The following HDAC9 variants were observed in gnomAD, a reference collection of about 807,000 sequenced individuals.
HDAC9 encodes MEF-2 interacting transcription repressor (MITR) protein.
In HDAC9, 41 loss-of-function variants were observed where a neutral mutation model predicts 139.4. The ratio of observed to expected loss-of-function variants is 0.29; its 90% CI spans 0.23 to 0.38. The LOEUF (loss-of-function observed/expected upper bound fraction) is 0.38, where lower values mean the gene tolerates loss of function less well. HDAC9 is among the 10% of genes least tolerant of loss of function. The pLI, the probability that HDAC9 is intolerant of heterozygous loss-of-function variation, is 1.00. For synonymous variants in HDAC9, 517 were observed against 476.2 expected (o/e 1.09, Z -1.12); for missense variants, 1,147 against 1,297.0 (o/e 0.88, Z 1.78).
In HDAC9 at chr7:18,224,813, G is replaced by C. The variant is rs533847746; in HGVS notation, c.25+62464G>C. On this transcript the variant is annotated intron_variant, in intron 2 of 12. Transcript: ENST00000417496. ...TAAAGTAATTACAATAATCAAAGAAGGTCAGAGGGAGGAGAAAGGATAATA... is the reference window on the plus strand; with the variant it reads ...TAAAGTAATTACAATAATCAAAGAACGTCAGAGGGAGGAGAAAGGATAATA... Among the ~76,000 whole-genome samples the C allele has an allele frequency of 2.6e-5, 4 of 152,104 alleles. No homozygotes were observed. The East Asian group carries it at 7.7e-4, about 29-fold the overall frequency.
At chr7:18,569,686 G>A (rs1323959890) in intron 2 of HDAC9, among the ~76,000 whole-genome samples, 1 of 152,114 alleles carries the variant, frequency 6.6e-6, no homozygotes, top group Admixed American at 6.5e-5. Context: ...ATTTTCTTAT[G>A]CCAAATTATA....
At chr7:18,249,216 C>T (rs1794754074) in intron 2 of HDAC9, among the ~76,000 whole-genome samples, 1 of 151,940 alleles carries the variant, frequency 6.6e-6, no homozygotes, top group South Asian at 2.1e-4. Flanking sequence ...TAAAATCTTT[C>T]TTCAGTCTGG....
At chr7:18,591,793 C>T (rs117961611) in intron 5 of HDAC9, among the ~76,000 whole-genome samples, 151 bp downstream of exon 5, 1 of 152,150 alleles carries the variant, frequency 6.6e-6, no homozygotes, top group Non-Finnish European at 1.5e-5. Flanking sequence ...GTTTCCTTCT[C>T]CATAAAAAGA....
At chr7:18,375,047 A>G (rs79648776) in intron 1 of HDAC9, among the ~76,000 whole-genome samples, 10,562 of 152,260 alleles carry the variant, frequency 0.069, 734 homozygotes, top group African/African-American at 0.18. Flanking sequence ...TGTATTTACT[A>G]TACTATTAAT....
At chr7:18,834,139 A>T (rs1262895841) in intron 19 of HDAC9, among the ~76,000 whole-genome samples, 1 of 152,230 alleles carries the variant, frequency 6.6e-6, no homozygotes, top group African/African-American at 2.4e-5. Context: ...AGATATTTAT[A>T]TAGTGCCTGA....
chr7:18,252,216 C>A (rs140839062), intron 2 of HDAC9, among the ~76,000 whole-genome samples: 1 of 152,158 alleles, frequency 6.6e-6, no homozygotes, highest in Non-Finnish European at 1.5e-5. Flanking sequence ...GAACTACAAC[C>A]ATTTGCAGTG....
intron 6 of HDAC9, among the ~76,000 whole-genome samples, chr7:18,628,099 G>A (rs947204235): frequency 2.0e-5 from 3 of 152,120 alleles, no homozygotes; most frequent in Non-Finnish European, 2.9e-5. Context: ...GATAAAATCT[G>A]GCTACATTAT....
At chr7:18,440,756 G>A (rs1791681496) in intron 1 of HDAC9, among the ~76,000 whole-genome samples, 1 of 152,104 alleles carries the variant, frequency 6.6e-6, no homozygotes, top group African/African-American at 2.4e-5. Context: ...ATGATTCTAA[G>A]ATGCCATAAT....
intron 1 of HDAC9, among the ~76,000 whole-genome samples, chr7:18,294,512 T>G (rs1798013158): frequency 6.6e-6 from 1 of 152,108 alleles, no homozygotes; most frequent in African/African-American, 2.4e-5. Context: ...CACAGGGAAC[T>G]GGATATGACA....
intron 2 of HDAC9, among the ~76,000 whole-genome samples, chr7:18,170,730 A>G (rs1000435484): frequency 3.3e-5 from 5 of 152,248 alleles, no homozygotes; most frequent in Admixed American, 3.3e-4. Flanking sequence ...TGTTTTTGTC[A>G]GATTTGTCAA....
intron 2 of HDAC9, among the ~76,000 whole-genome samples, chr7:18,198,173 C>T (rs111787922): frequency 8.0e-4 from 122 of 152,140 alleles, no homozygotes; most frequent in African/African-American, 2.7e-3. Flanking sequence ...AATCAAAACA[C>T]ATATAATCTT....
intron 25 of HDAC9, among the ~76,000 whole-genome samples, chr7:18,981,868 T>C (rs760053137): frequency 7.9e-5 from 12 of 152,210 alleles, no homozygotes; most frequent in Middle Eastern, 3.4e-3. Context: ...TTATTCTTCC[T>C]ACCACAGAAA....
intron 2 of HDAC9, among the ~76,000 whole-genome samples, chr7:18,186,508 C>G (rs994445533): frequency 1.8e-4 from 28 of 152,226 alleles, no homozygotes; most frequent in African/African-American, 6.8e-4. Context: ...GACTCTGCCC[C>G]ACTCTTCACT....
intron 1 of HDAC9, among the ~76,000 whole-genome samples, chr7:18,388,705 C>T (rs547356799): frequency 1.8e-4 from 28 of 152,260 alleles, no homozygotes; most frequent in Admixed American, 8.5e-4. Context: ...ACCTTGAGTC[C>T]ATCTGAAACA....
chr7:18,755,262 A>G (rs1055755317), intron 14 of HDAC9, among the ~76,000 whole-genome samples: 1 of 152,178 alleles, frequency 6.6e-6, no homozygotes, highest in Admixed American at 6.6e-5. Context: ...CTAATTGTAC[A>G]CCTTATAGTC....
intron 21 of HDAC9, among the ~76,000 whole-genome samples, chr7:18,859,946 A>G (rs574406034): frequency 2.7e-5 from 4 of 149,398 alleles, no homozygotes; most frequent in South Asian, 4.2e-4. Flanking sequence ...GCTTTATGCA[A>G]TAATATTTTA....
At chr7:18,232,722 G>T (rs1455102064) in intron 2 of HDAC9, among the ~76,000 whole-genome samples, 1 of 152,160 alleles carries the variant, frequency 6.6e-6, no homozygotes, top group Non-Finnish European at 1.5e-5. Flanking sequence ...ATAATGGTTT[G>T]CATGCCACCA....
At chr7:18,767,063 A>G (rs775198073) in intron 15 of HDAC9, 43 bp from the exon 16 acceptor site, 9 of 921,932 alleles carry the variant, frequency 9.8e-6, no homozygotes, top group Admixed American at 3.1e-5. Context: ...AAAATTATAT[A>G]ACCTCCATTT....
At chr7:18,858,962 A>G (rs1234595936) in intron 21 of HDAC9, among the ~76,000 whole-genome samples, 1 of 152,124 alleles carries the variant, frequency 6.6e-6, no homozygotes, top group African/African-American at 2.4e-5. Context: ...ACTTAGAAAC[A>G]CTATTTTTTC....
Sources: allele counts gnomAD v4.1 joint callset (sites outside exome capture counted in the v4.1 genomes callset), GRCh38; gene constraint gnomAD v4.1.1; transcripts MANE v1.5; gene names NCBI Gene and HGNC (gene_info 2026-07-23, HGNC 2026-07-21).